The following SUMF1 variants were observed in gnomAD, a reference collection of about 807,000 sequenced individuals.
SUMF1 encodes formylglycine-generating enzyme.
Under a neutral mutation model 47.6 loss-of-function variants are expected in SUMF1, and 48 were observed. The observed-to-expected ratio is 1.01, with a 90% CI of 0.80 to 1.28. SUMF1 has a LOEUF of 1.28. Ranked by LOEUF, SUMF1 falls within the 50% of genes most tolerant of loss-of-function variation. The pLI, the probability that SUMF1 is intolerant of heterozygous loss-of-function variation, is 0.00. For synonymous variants in SUMF1, 230 were observed against 192.1 expected (o/e 1.20, Z -1.63); for missense variants, 571 against 485.4 (o/e 1.18, Z -1.66).
intron 8 of SUMF1, among the ~76,000 whole-genome samples, chr3:4,078,783 A>C (rs1477252033): frequency 6.6e-6 from 1 of 152,074 alleles, no homozygotes; most frequent in Non-Finnish European, 1.5e-5. Context: ...TCCATACAAC[A>C]ACCTATGAAG....
At chr3:4,331,415 ACT>A (rs1204770116) in intron 8 of SUMF1, among the ~76,000 whole-genome samples, 2 of 152,176 alleles carry the variant, frequency 1.3e-5, no homozygotes, top group East Asian at 1.9e-4. Flanking sequence ...ACTTTTAGTA[ACT>A]CTTATTTTTA....
chr3:4,287,021 TAA>T, intron 8 of SUMF1, among the ~76,000 whole-genome samples: 1 of 152,308 alleles, frequency 6.6e-6, no homozygotes, highest in Admixed American at 6.5e-5. Context: ...TAATAATACT[TAA>T]GTGTCATTTG....
chr3:4,068,227 A>C (rs1172169029), intron 9 of SUMF1, among the ~76,000 whole-genome samples: 1 of 152,184 alleles, frequency 6.6e-6, no homozygotes, highest in Non-Finnish European at 1.5e-5. Context: ...ATGATGAGCA[A>C]GGAATTCAAA....
intron 8 of SUMF1, among the ~76,000 whole-genome samples, chr3:4,215,912 C>G (rs1439374766): frequency 6.6e-6 from 1 of 152,110 alleles, no homozygotes; most frequent in Non-Finnish European, 1.5e-5. Flanking sequence ...AATGGAAAAA[C>G]ATTCCATGCT....
At chr3:4,456,456 T>TTC (rs1237888184) in intron 1 of SUMF1, among the ~76,000 whole-genome samples, 3 of 146,964 alleles carry the variant, frequency 2.0e-5, no homozygotes, top group Non-Finnish European at 3.0e-5. Flanking sequence ...TTTTCTTTGT[T>TTC]TTTTTTTTTT....
At chr3:4,137,208 A>C (rs1173499727) in intron 8 of SUMF1, among the ~76,000 whole-genome samples, 1 of 152,112 alleles carries the variant, frequency 6.6e-6, no homozygotes, top group Non-Finnish European at 1.5e-5. Context: ...AACAGCAAAG[A>C]CTTGGAACCA....
chr3:4,466,903 CTTGCT>C, intron 1 of SUMF1, 68 bp downstream of exon 1: 1 of 1,560,608 alleles, frequency 6.4e-7, no homozygotes, highest in Non-Finnish European at 8.7e-7. Context: ...CTACTAGTGC[CTTGCT>C]TTGCCTACTC....
chr3:4,055,615 T>C (rs1157479632), intron 9 of SUMF1, among the ~76,000 whole-genome samples: 1 of 152,194 alleles, frequency 6.6e-6, no homozygotes, highest in Non-Finnish European at 1.5e-5. Flanking sequence ...CCTGAGTAAC[T>C]GGGACTACAG....
At chr3:4,039,226 T>A (rs1199477186) in intron 9 of SUMF1, among the ~76,000 whole-genome samples, 1 of 127,270 alleles carries the variant, frequency 7.9e-6, no homozygotes, top group African/African-American at 3.0e-5. Flanking sequence ...TTTTTTTTTT[T>A]TTTTTTTTAT....
At chr3:4,411,705 G>GAAAAA (rs35731250) in intron 6 of SUMF1, among the ~76,000 whole-genome samples, 1 of 114,248 alleles carries the variant, frequency 8.8e-6, no homozygotes, top group Non-Finnish European at 1.8e-5. Context: ...AGAGCAGGAG[G>GAAAAA]AAAAAAAAAA....
At chr3:4,293,187 A>T (rs1344578611) in intron 8 of SUMF1, among the ~76,000 whole-genome samples, 1 of 152,186 alleles carries the variant, frequency 6.6e-6, no homozygotes, top group African/African-American at 2.4e-5. Flanking sequence ...CATCAACCAC[A>T]TAGTGCAGTT....
At chr3:4,229,979 C>G (rs1024144255) in intron 8 of SUMF1, among the ~76,000 whole-genome samples, 1 of 151,830 alleles carries the variant, frequency 6.6e-6, no homozygotes, top group Non-Finnish European at 1.5e-5. Flanking sequence ...CTCCATTGCA[C>G]TCCAGCTTGG....
rs374027020 is a variant in SUMF1, at chr3:4,267,208, C to T, written c.1014+109122G>A. Among the ~76,000 whole-genome samples, 61 of 152,054 alleles carry T rather than the reference C, an allele frequency of 4.0e-4. No individual in the cohort carries two copies. In the East Asian group the frequency reaches 8.5e-3, roughly 21 times the overall value. Reference sequence around the variant, plus strand: ...TCTCTTTTTTGGTTGTGTCTCTGCCCGGCTTTGGTATCAGAATGATGCTGG... The same window carrying T: ...TCTCTTTTTTGGTTGTGTCTCTGCCTGGCTTTGGTATCAGAATGATGCTGG... On this transcript the variant is annotated intron_variant and NMD_transcript_variant, in intron 8 of 12. Coordinates refer to the SUMF1 transcript ENST00000448413.
At chr3:4,177,104 C>T (rs1175414632) in intron 8 of SUMF1, among the ~76,000 whole-genome samples, 4 of 152,018 alleles carry the variant, frequency 2.6e-5, no homozygotes, top group African/African-American at 7.3e-5. Context: ...ACTTTAATAC[C>T]CCACTGTCAA....
intron 8 of SUMF1, among the ~76,000 whole-genome samples, chr3:4,164,503 AG>A (rs1212177705): frequency 1.3e-5 from 2 of 152,230 alleles, no homozygotes; most frequent in East Asian, 3.9e-4. Flanking sequence ...GACATGGGCG[AG>A]GGGGCAGCTT....
intron 8 of SUMF1, among the ~76,000 whole-genome samples, chr3:4,339,593 G>T (rs1442392881): frequency 6.6e-6 from 1 of 152,030 alleles, no homozygotes; most frequent in African/African-American, 2.4e-5. Flanking sequence ...TTAGATTTCT[G>T]CATCAACCAG....
intron 8 of SUMF1, among the ~76,000 whole-genome samples, chr3:4,350,883 T>C (rs1055599976): frequency 1.3e-5 from 2 of 150,762 alleles, no homozygotes; most frequent in African/African-American, 4.9e-5. Flanking sequence ...CCTTCCCAAA[T>C]CCACACTACC....
At position 4,226,104 on chromosome 3, in the gene SUMF1, C is replaced by A. The variant is rs1696165582; in HGVS notation, c.1014+150226G>T. On this transcript the variant is annotated intron_variant and NMD_transcript_variant, in intron 8 of 12. Coordinates refer to the SUMF1 transcript ENST00000448413. ...CCCACTCCAAATACATAGGATCTAC[C>A]CGCTCGCCATTTATAAGCAATAATA... Among the ~76,000 whole-genome samples, 3 of 152,136 alleles carry A rather than the reference C, an allele frequency of 2.0e-5. No individual in the cohort carries two copies. The South Asian group carries it at 6.2e-4, about 32-fold the overall frequency.
chr3:4,305,215 A>G (rs1698142801), intron 8 of SUMF1, among the ~76,000 whole-genome samples: 1 of 152,078 alleles, frequency 6.6e-6, no homozygotes, highest in South Asian at 2.1e-4. Flanking sequence ...CTTCCCGAGT[A>G]GCTGGAATTA....
Sources: gnomAD v4.1 joint callset for allele counts (sites outside exome capture counted in the v4.1 genomes callset) on GRCh38, gnomAD v4.1.1 for gene constraint, MANE v1.5 for transcripts, NCBI Gene and HGNC (gene_info 2026-07-23, HGNC 2026-07-21) for gene names.